The following XCL1 variants were observed in gnomAD, a reference collection of about 807,000 sequenced individuals.
XCL1 encodes lymphotactin.
A neutral mutation model predicts 7.4 loss-of-function variants in XCL1; 6 were observed. The observed-to-expected ratio is 0.82, with a 90% CI of 0.45 to 1.61. The LOEUF (loss-of-function observed/expected upper bound fraction) is 1.61. XCL1 is among the 40% of genes most tolerant of loss of function. The probability of loss-of-function intolerance (pLI) is 0.01; values close to 1 mark genes in which losing one functional copy is unlikely to be tolerated. For missense variants in XCL1, 122 were observed against 138.2 expected (o/e 0.88, Z 0.59); for synonymous variants, 48 against 52.4 (o/e 0.92, Z 0.36).
chr1:168,577,176 G>T (rs545683454), intron 1 of XCL1, among the ~76,000 whole-genome samples: 73 of 152,278 alleles, frequency 4.8e-4, no homozygotes, highest in Middle Eastern at 6.8e-3. Context: ...ATCTTAGAGA[G>T]TTCAGTTACA....
chr1:168,576,840 G>T, intron 1 of XCL1, 142 bp downstream of exon 1: 1 of 1,108,958 alleles, frequency 9.0e-7, no homozygotes, highest in Non-Finnish European at 1.3e-6. Context: ...AGAAAGGAAT[G>T]ATGATTTTGA....
chr1:168,581,106 G>A lies in XCL1; in HGVS notation c.231G>A (p.Val77=), dbSNP rs978717233. The A allele has an allele frequency of 6.2e-7, 1 of 1,613,722 alleles. No individual in the cohort carries two copies. The highest frequency in any genetic ancestry group is 1.3e-5 in the African/African-American group (1 of 74,894). ...KVCADPQATW[V]RDVVRSMDRK... ...GTGCTGATCCACAAGCCACATGGGT[G>A]AGAGACGTGGTCAGGAGCATGGACA... Residue 77 remains valine (V), a synonymous_variant, in exon 3 of 3, where the codon GTG becomes GTA. Coordinates refer to ENST00000367818, the MANE Select transcript of XCL1 (RefSeq NM_002995.3).
chr1:168,580,859 T>C (rs1027352607), intron 2 of XCL1, among the ~76,000 whole-genome samples, 193 bp from the exon 3 acceptor site: 1 of 152,098 alleles, frequency 6.6e-6, no homozygotes, highest in African/African-American at 2.4e-5. Context: ...TGGATACTAC[T>C]TGCAGATATT....
At chr1:168,579,370 G>A (rs1655098524) in intron 1 of XCL1, 1 of 182,646 alleles carries the variant, frequency 5.5e-6, no homozygotes, top group African/African-American at 2.4e-5. Context: ...CACTTTCTTA[G>A]CCTCCTGCTT....
intron 1 of XCL1, chr1:168,578,976 G>T: frequency 2.5e-6 from 1 of 397,410 alleles, no homozygotes; most frequent in South Asian, 2.0e-5. Context: ...AATACCAGCT[G>T]AGCCTTCTTC....
intron 2 of XCL1, 79 bp from the exon 3 acceptor site, chr1:168,580,973 T>C (rs1014783261): frequency 1.4e-5 from 21 of 1,554,506 alleles, no homozygotes; most frequent in African/African-American, 1.2e-4. Context: ...GATCTCTTCA[T>C]GTCTGCCCTG....
At chr1:168,581,016 G>T in intron 2 of XCL1, 36 bp from the exon 3 acceptor site, 1 of 1,607,392 alleles carries the variant, frequency 6.2e-7, no homozygotes, top group Non-Finnish European at 8.5e-7. Context: ...CTTTGAGAAT[G>T]TGGCTAACTT....
At chr1:168,577,016 A>T (rs1487544523) in intron 1 of XCL1, among the ~76,000 whole-genome samples, 1 of 152,242 alleles carries the variant, frequency 6.6e-6, no homozygotes, top group African/African-American at 2.4e-5. Flanking sequence ...TGAGATTAAG[A>T]TTAAATAAAT....
chr1:168,581,221 T>C lies in XCL1; in HGVS notation c.*1T>C, dbSNP rs752114018. On this transcript the variant is annotated 3_prime_UTR_variant, in exon 3 of 3. Coordinates refer to ENST00000367818, the MANE Select transcript of XCL1 (RefSeq NM_002995.3). ...TACAGCTGTGACTCTGACTGGCTAG[T>C]AGTCTCTGGCACCCTGTCCGTCTCC... The C allele has an allele frequency of 1.4e-5, 23 of 1,613,288 alleles. No homozygotes were observed. The highest frequency in any genetic ancestry group is 1.9e-5 in the Non-Finnish European group (23 of 1,179,560).
intron 1 of XCL1, among the ~76,000 whole-genome samples, chr1:168,577,227 C>A (rs1459275027): frequency 1.3e-5 from 2 of 152,124 alleles, no homozygotes; most frequent in East Asian, 3.9e-4. Context: ...TGGAGTAAAT[C>A]AATGTTTTCA....
In XCL1 at chr1:168,580,216, C is replaced by G. The variant is rs536818160; in HGVS notation, c.176+39C>G. 50 of 1,605,666 alleles carry G rather than the reference C, an allele frequency of 3.1e-5. No individual in the cohort carries two copies. In the South Asian group the frequency reaches 5.0e-4, roughly 16 times the overall value. ...CTCAGAAGTTGTGCTGGGTGGGTAT[C>G]TAGAAGTATAGAAATACACTCTGTA... On this transcript the variant is annotated intron_variant, in intron 2 of 2. Transcript: ENST00000367818.
intron 1 of XCL1, among the ~76,000 whole-genome samples, chr1:168,577,950 G>A (rs1353807524): frequency 6.6e-6 from 1 of 152,182 alleles, no homozygotes; most frequent in African/African-American, 2.4e-5. Flanking sequence ...TTTGCAACCT[G>A]AGTGAAGGTG....
intron 1 of XCL1, chr1:168,578,663 A>G: frequency 3.6e-6 from 1 of 276,258 alleles, no homozygotes; most frequent in Non-Finnish European, 6.9e-6. Context: ...AACCCAGTTT[A>G]GTGGCAAGTT....
chr1:168,578,791 C>G (rs1315245368), intron 1 of XCL1: 1 of 466,408 alleles, frequency 2.1e-6, no homozygotes, highest in Non-Finnish European at 4.2e-6. Flanking sequence ...ACCAGCTTAG[C>G]CAAAGCTCCT....
chr1:168,578,693 C>A, intron 1 of XCL1: 1 of 321,282 alleles, frequency 3.1e-6, no homozygotes, highest in African/African-American at 2.2e-5. Context: ...TTGCTATTTC[C>A]AGCTTGGCAT....
intron 1 of XCL1, among the ~76,000 whole-genome samples, chr1:168,577,456 A>G (rs1441271307): frequency 2.0e-5 from 3 of 152,222 alleles, no homozygotes; most frequent in African/African-American, 7.2e-5. Flanking sequence ...CATCCAGGTA[A>G]GATTCAGATA....
chr1:168,576,667 C>T lies in XCL1; in HGVS notation c.30C>T (p.Gly10=). MRLLILALL[G]ICSLTAYIVE... is the part of the protein sequence containing the mutation. ...GACTTCTCATCCTGGCCCTCCTTGGCATCTGCTCTCTCACTGCATACATTG... is the reference window on the plus strand; with the variant it reads ...GACTTCTCATCCTGGCCCTCCTTGGTATCTGCTCTCTCACTGCATACATTG... Residue 10 remains glycine, a synonymous_variant, in exon 1 of 3, where the codon GGC becomes GGT. Coordinates refer to ENST00000367818, the MANE Select transcript of XCL1 (RefSeq NM_002995.3). 2 of 1,613,782 alleles carry T rather than the reference C, an allele frequency of 1.2e-6. No homozygotes were observed. The highest frequency in any genetic ancestry group is 1.7e-6 in the Non-Finnish European group (2 of 1,179,822).
intron 1 of XCL1, among the ~76,000 whole-genome samples, chr1:168,577,992 A>G (rs1349550009): frequency 6.6e-6 from 1 of 152,232 alleles, no homozygotes; most frequent in Non-Finnish European, 1.5e-5. Flanking sequence ...ACACTCAAAC[A>G]TTGCTGACAA....
chr1:168,578,033 A>T (rs1018157920), intron 1 of XCL1, among the ~76,000 whole-genome samples: 1 of 152,220 alleles, frequency 6.6e-6, no homozygotes, highest in African/African-American at 2.4e-5. Flanking sequence ...TTCAAGCATA[A>T]CAGGATTCCC....
Sources: allele counts gnomAD v4.1 joint callset (sites outside exome capture counted in the v4.1 genomes callset), GRCh38; gene constraint gnomAD v4.1.1; transcripts MANE v1.5; gene names NCBI Gene and HGNC (gene_info 2026-07-23, HGNC 2026-07-21).